ITPR2: variants seen among roughly 807,000 people sequenced by gnomAD.
The protein encoded by ITPR2 is inositol 1,4,5-trisphosphate receptor type 2.
Under a neutral mutation model 317.1 loss-of-function variants are expected in ITPR2, and 207 were observed. That is an observed-to-expected ratio of 0.65 (90% CI 0.58 to 0.73). ITPR2 has a LOEUF of 0.73. Ranked by LOEUF, ITPR2 falls within the 30% of genes least tolerant of loss-of-function variation. ITPR2 has a pLI of 0.00. For synonymous variants in ITPR2, 1,156 were observed against 1,149.1 expected (o/e 1.01, Z -0.12); for missense variants, 2,613 against 3,284.0 (o/e 0.80, Z 4.99).
chr12:26,734,996 C>CTTTTTT (rs5797195), intron 2 of ITPR2, among the ~76,000 whole-genome samples: 17 of 109,008 alleles, frequency 1.6e-4, no homozygotes, highest in Middle Eastern at 4.9e-3. Flanking sequence ...GCAAGCCAGT[C>CTTTTTT]TTTTTTTTTT....
intron 13 of ITPR2, among the ~76,000 whole-genome samples, chr12:26,668,130 A>T (rs1398928712): frequency 6.6e-6 from 1 of 152,246 alleles, no homozygotes; most frequent in Non-Finnish European, 1.5e-5. Flanking sequence ...AGCTCCTACT[A>T]GCTCACGCAT....
At chr12:26,811,036 C>CAA (rs79796097) in intron 1 of ITPR2, among the ~76,000 whole-genome samples, 20 of 108,282 alleles carry the variant, frequency 1.8e-4, no homozygotes, top group African/African-American at 5.0e-4. Flanking sequence ...TTTTAAGTTA[C>CAA]AAAAAAAAAA....
At chr12:26,350,771 C>A (rs1471780148) in intron 55 of ITPR2, among the ~76,000 whole-genome samples, 2 of 151,978 alleles carry the variant, frequency 1.3e-5, no homozygotes, top group Non-Finnish European at 2.9e-5. Flanking sequence ...AACTTTCTGA[C>A]CCCCATGAGC....
intron 37 of ITPR2, among the ~76,000 whole-genome samples, chr12:26,540,266 A>T (rs532979181): frequency 1.3e-5 from 2 of 152,374 alleles, no homozygotes; most frequent in East Asian, 3.9e-4. Context: ...CACTAATAAG[A>T]TAAATATAAT....
intron 55 of ITPR2, among the ~76,000 whole-genome samples, chr12:26,346,237 T>C (rs1938302123): frequency 6.6e-6 from 1 of 152,220 alleles, no homozygotes; most frequent in South Asian, 2.1e-4. Context: ...CTAACAGTTA[T>C]CTATTTCTCT....
chr12:26,413,040 G>A (rs1940599423), intron 51 of ITPR2, among the ~76,000 whole-genome samples: 2 of 152,186 alleles, frequency 1.3e-5, no homozygotes, highest in South Asian at 4.1e-4. Flanking sequence ...AGAAGGGTGA[G>A]AAACAGGAGG....
In ITPR2 at chr12:26,663,557, C is replaced by T. The variant is rs192442138; in HGVS notation, c.1713+128G>A. 9.1e-6 allele frequency: 8 copies of T among 875,934 alleles called. No homozygotes were observed. In the Admixed American group the frequency reaches 1.3e-4, roughly 14 times the overall value. 54.3% of individuals were successfully genotyped at this position (875,934 alleles called of 1,614,324 possible). On this transcript the variant is annotated intron_variant, in intron 15 of 56. Coordinates refer to ENST00000381340, the MANE Select transcript of ITPR2 (RefSeq NM_002223.4). Reference sequence around the variant, plus strand: ...CTTACAAATCATTTTTATGTATTGCCCAACATAAAATATTTCATTTCAAAG... The same window carrying T: ...CTTACAAATCATTTTTATGTATTGCTCAACATAAAATATTTCATTTCAAAG...
At chr12:26,796,411 C>T (rs554881672) in intron 1 of ITPR2, among the ~76,000 whole-genome samples, 1 of 152,228 alleles carries the variant, frequency 6.6e-6, no homozygotes, top group African/African-American at 2.4e-5. Flanking sequence ...GAAAATCTTA[C>T]TACATATCCA....
intron 55 of ITPR2, among the ~76,000 whole-genome samples, chr12:26,368,922 G>A (rs191083845): frequency 2.1e-4 from 32 of 152,246 alleles, no homozygotes; most frequent in African/African-American, 7.7e-4. Flanking sequence ...GAAAAATCAG[G>A]GTAAGAGGAT....
intron 13 of ITPR2, among the ~76,000 whole-genome samples, chr12:26,667,508 A>G (rs1299018901): frequency 6.6e-6 from 1 of 152,240 alleles, no homozygotes; most frequent in Non-Finnish European, 1.5e-5. Context: ...TAATCTCTGA[A>G]GGCAGCCACA....
chr12:26,543,895 C>T lies in ITPR2; in HGVS notation c.5073+6352G>A, dbSNP rs182103335. 1.2e-3 allele frequency among the ~76,000 whole-genome samples: 182 copies of T among 152,252 alleles called. 1 individual carries two copies. Among genetic ancestry groups the T allele is most frequent in the Middle Eastern group, 3.4e-3 (1 of 294 alleles). On this transcript the variant is annotated intron_variant, in intron 37 of 56. Transcript: ENST00000381340. ...CAAATAAATATGCCTGCTGTTGTTACGTTTAAAAAGCCTTCTAAATATGCC... is the reference window on the plus strand; with the variant it reads ...CAAATAAATATGCCTGCTGTTGTTATGTTTAAAAAGCCTTCTAAATATGCC...
chr12:26,807,614 T>C (rs567983795), intron 1 of ITPR2, among the ~76,000 whole-genome samples: 8 of 152,368 alleles, frequency 5.3e-5, no homozygotes, highest in African/African-American at 1.9e-4. Flanking sequence ...TCCTAGTTGT[T>C]GTCTTTTTTG....
chr12:26,494,771 GAAAAAAAAAAAA>G (rs71069245), intron 38 of ITPR2, among the ~76,000 whole-genome samples: 51 of 50,352 alleles, frequency 1.0e-3, no homozygotes, highest in African/African-American at 4.6e-3. Context: ...CTCTGCCTCA[GAAAAAAAAAAAA>G]AAAAAAAAAA....
intron 23 of ITPR2, among the ~76,000 whole-genome samples, chr12:26,625,669 T>C (rs7294712): frequency 0.074 from 11,293 of 152,246 alleles, 476 homozygotes; most frequent in Middle Eastern, 0.14. Flanking sequence ...TGTGTGTGTA[T>C]ATATAGATCA....
intron 21 of ITPR2, among the ~76,000 whole-genome samples, chr12:26,647,360 T>C (rs2136878811): frequency 6.6e-6 from 1 of 152,384 alleles, no homozygotes; most frequent in Admixed American, 6.5e-5. Context: ...GGGATTCACA[T>C]TTGTCCTCAA....
intron 46 of ITPR2, among the ~76,000 whole-genome samples, chr12:26,440,239 A>C (rs1359945537): frequency 1.3e-5 from 2 of 152,130 alleles, no homozygotes; most frequent in African/African-American, 4.8e-5. Context: ...CAACAACAAC[A>C]ACCAAATACA....
At chr12:26,376,992 G>C (rs10771278) in intron 55 of ITPR2, among the ~76,000 whole-genome samples, 1 of 152,104 alleles carries the variant, frequency 6.6e-6, no homozygotes, top group South Asian at 2.1e-4. Context: ...GCCTCCCAAA[G>C]TGCTGGGATT....
chr12:26,350,379 C>T (rs1444326937), intron 55 of ITPR2, among the ~76,000 whole-genome samples: 1 of 152,154 alleles, frequency 6.6e-6, no homozygotes, highest in African/African-American at 2.4e-5. Context: ...GTAAAAACTT[C>T]TGCAGCGGGC....
rs1357614069 is a variant in ITPR2, at chr12:26,496,145, T to C, written c.5074-885A>G. 3.3e-5 allele frequency among the ~76,000 whole-genome samples: 5 copies of C among 152,230 alleles called. No individual in the cohort carries two copies. In the South Asian group the frequency reaches 6.2e-4, roughly 19 times the overall value. On this transcript the variant is annotated intron_variant, in intron 37 of 56. Coordinates refer to ENST00000381340, the MANE Select transcript of ITPR2 (RefSeq NM_002223.4). ...AAAAGCATTATTTAAGGAATACTTG[T>C]TTAAACTATTTAAATTAACATAACT... is the stretch of plus-strand genomic sequence containing the variant.
Sources: allele counts gnomAD v4.1 joint callset (sites outside exome capture counted in the v4.1 genomes callset), GRCh38; gene constraint gnomAD v4.1.1; transcripts MANE v1.5; gene names NCBI Gene and HGNC (gene_info 2026-07-23, HGNC 2026-07-21).